Variants in ADGRL2 observed in about 807,000 individuals in gnomAD.
The protein encoded by ADGRL2 is adhesion G protein-coupled receptor L2, also known as calcium-independent alpha-latrotoxin receptor 2.
ADGRL2 carries 44 observed loss-of-function variants against 157.4 expected under a neutral mutation model. The observed-to-expected ratio is 0.28, with a 90% CI of 0.22 to 0.36. The LOEUF (loss-of-function observed/expected upper bound fraction) is 0.36, where lower values mean the gene tolerates loss of function less well. ADGRL2 is among the 10% of genes least tolerant of loss of function. The pLI, the probability that ADGRL2 is intolerant of heterozygous loss-of-function variation, is 1.00. For synonymous variants in ADGRL2, 585 were observed against 624.7 expected (o/e 0.94, Z 0.95); for missense variants, 1,510 against 1,768.9 (o/e 0.85, Z 2.63).
chr1:81,415,262 A>G (rs1257510308), intron 1 of ADGRL2, among the ~76,000 whole-genome samples: 1 of 152,246 alleles, frequency 6.6e-6, no homozygotes, highest in African/African-American at 2.4e-5. Flanking sequence ...GTATCACGGA[A>G]GAATTTTGAA....
chr1:81,612,171 T>A (rs944693352), intron 3 of ADGRL2, among the ~76,000 whole-genome samples: 1 of 152,130 alleles, frequency 6.6e-6, no homozygotes, highest in African/African-American at 2.4e-5. Flanking sequence ...GAATCAATAT[T>A]TATCAAATAC....
At chr1:81,942,120 C>T (rs1648238339) in intron 5 of ADGRL2, 75 bp downstream of exon 5, 3 of 627,578 alleles carry the variant, frequency 4.8e-6, no homozygotes, top group Non-Finnish European at 8.8e-6. Flanking sequence ...CTCCCCTCTC[C>T]CCACAACACT....
intron 2 of ADGRL2, among the ~76,000 whole-genome samples, chr1:81,534,302 C>T (rs1387461270): frequency 6.6e-6 from 1 of 152,118 alleles, no homozygotes; most frequent in Non-Finnish European, 1.5e-5. Flanking sequence ...CCTGGGATTA[C>T]AGGCACGAGG....
At chr1:81,488,696 G>A (rs1018862047) in intron 2 of ADGRL2, among the ~76,000 whole-genome samples, 2 of 151,884 alleles carry the variant, frequency 1.3e-5, no homozygotes, top group Non-Finnish European at 2.9e-5. Context: ...GACAGAATGA[G>A]ACCCTGTCTC....
At chr1:81,658,806 C>T (rs1040196525) in intron 3 of ADGRL2, among the ~76,000 whole-genome samples, 4 of 152,150 alleles carry the variant, frequency 2.6e-5, no homozygotes, top group East Asian at 1.9e-4. Flanking sequence ...GGCTGGAGTG[C>T]GATGGCACAA....
chr1:81,507,112 G>T (rs35209664), intron 2 of ADGRL2, among the ~76,000 whole-genome samples: 1 of 151,894 alleles, frequency 6.6e-6, no homozygotes, highest in African/African-American at 2.4e-5. Flanking sequence ...TAGCAAGGGG[G>T]AAAGGTTGCT....
intron 1 of ADGRL2, among the ~76,000 whole-genome samples, chr1:81,709,478 C>A (rs1479765885): frequency 6.6e-6 from 1 of 152,036 alleles, no homozygotes; most frequent in Admixed American, 6.6e-5. Flanking sequence ...AAGATATTTT[C>A]TCTTTTAAAA....
chr1:81,816,598 T>A (rs1024012175), intron 1 of ADGRL2, among the ~76,000 whole-genome samples: 2 of 151,942 alleles, frequency 1.3e-5, no homozygotes, highest in Non-Finnish European at 2.9e-5. Context: ...TAGGTTTTTT[T>A]ATTTAATGTG....
At chr1:81,677,487 G>C (rs1056534582) in intron 3 of ADGRL2, among the ~76,000 whole-genome samples, 3 of 152,150 alleles carry the variant, frequency 2.0e-5, no homozygotes, top group African/African-American at 4.8e-5. Flanking sequence ...TGAAATATTT[G>C]GGATGGGGTG....
At chr1:81,441,164 T>G (rs1258755797) in intron 1 of ADGRL2, among the ~76,000 whole-genome samples, 1 of 152,184 alleles carries the variant, frequency 6.6e-6, no homozygotes, top group Non-Finnish European at 1.5e-5. Flanking sequence ...ACTAGTAAAT[T>G]TAGTACTATT....
chr1:81,671,518 C>CT (rs34319033), intron 3 of ADGRL2, among the ~76,000 whole-genome samples: 2,321 of 147,730 alleles, frequency 0.016, 69 homozygotes, highest in African/African-American at 0.055. Context: ...TCTGAAATTC[C>CT]TTTTTTTTTT....
chr1:81,356,791 A>C (rs895591466), intron 1 of ADGRL2, among the ~76,000 whole-genome samples: 2 of 151,758 alleles, frequency 1.3e-5, no homozygotes, highest in Non-Finnish European at 2.9e-5. Context: ...GTCTCTACTA[A>C]AAATACAAAA....
chr1:81,943,111 C>G lies in ADGRL2; in HGVS notation c.552C>G (p.Thr184=), dbSNP rs781109858. The change falls in exon 6 of 24, where the codon ACC becomes ACG. Residue 184 remains threonine (T), a synonymous_variant. Coordinates refer to ENST00000686636, the MANE Select transcript of ADGRL2 (RefSeq NM_001366006.2). The surrounding 1 kb of genome is among the most constrained non-coding windows in gnomAD (Gnocchi z 5.6). The part of the protein sequence containing the change: ...IYFMPWTPYR[T]DTLIEYASLE... ...TCATGCCCTGGACTCCCTATCGTAC[C>G]GATACTTTAATAGAATATGCTTCTT... 3 of 1,613,326 alleles carry G rather than the reference C, an allele frequency of 1.9e-6. No individual in the cohort carries two copies. Among genetic ancestry groups the G allele is most frequent in the South Asian group, 2.2e-5 (2 of 91,060 alleles).
intron 2 of ADGRL2, among the ~76,000 whole-genome samples, chr1:81,525,546 G>A (rs764723279): frequency 9.2e-5 from 14 of 152,162 alleles, no homozygotes; most frequent in African/African-American, 2.7e-4. Flanking sequence ...TTGAACTCCT[G>A]ACCTCAAGTG....
chr1:81,492,480 G>A (rs1434650867), intron 2 of ADGRL2, among the ~76,000 whole-genome samples: 3 of 152,060 alleles, frequency 2.0e-5, no homozygotes, highest in African/African-American at 7.2e-5. Context: ...GATCACATGG[G>A]AATGAGAAAT....
intron 1 of ADGRL2, among the ~76,000 whole-genome samples, chr1:81,443,732 G>T (rs1333656887): frequency 6.6e-6 from 1 of 152,316 alleles, no homozygotes; most frequent in African/African-American, 2.4e-5. Context: ...TGTAACTGCT[G>T]CATCTCACCA....
At chr1:81,927,665 T>C (rs572890614) in intron 3 of ADGRL2, among the ~76,000 whole-genome samples, 2 of 152,114 alleles carry the variant, frequency 1.3e-5, no homozygotes, top group East Asian at 3.9e-4. Flanking sequence ...TTAAATTCTA[T>C]ATGATGGTTA....
chr1:81,341,566 A>G (rs1662077021), intron 1 of ADGRL2, among the ~76,000 whole-genome samples: 2 of 152,164 alleles, frequency 1.3e-5, no homozygotes. Flanking sequence ...GTAAGCATGT[A>G]TATTAGCCTT....
chr1:81,510,694 A>C (rs558718161), intron 2 of ADGRL2, among the ~76,000 whole-genome samples: 1 of 152,214 alleles, frequency 6.6e-6, no homozygotes, highest in African/African-American at 2.4e-5. Context: ...AGGGGGCAGA[A>C]AGTTATGTAG....
Sources: gnomAD v4.1 joint callset for allele counts (sites outside exome capture counted in the v4.1 genomes callset) on GRCh38, gnomAD v4.1.1 for gene constraint, Gnocchi (gnomAD v3.1) non-coding constraint, MANE v1.5 for transcripts, NCBI Gene and HGNC (gene_info 2026-07-23, HGNC 2026-07-21) for gene names.